Variants in RBFOX3 observed in about 807,000 individuals in gnomAD.
RBFOX3 encodes the protein RNA binding fox-1 homolog 3, also known as RNA binding protein fox-1 homolog 3.
RBFOX3 carries 17 observed loss-of-function variants against 48.7 expected under a neutral mutation model. The observed-to-expected ratio is 0.35, with a 90% CI of 0.24 to 0.52. The LOEUF is 0.52. Among genes scored for constraint, RBFOX3 ranks in the 20% least tolerant of loss-of-function variants. RBFOX3 has a pLI of 0.94. For synonymous variants in RBFOX3, 212 were observed against 209.5 expected (o/e 1.01, Z -0.10); for missense variants, 382 against 497.5 (o/e 0.77, Z 2.21).
chr17:79,162,672 C>G (rs2047205969), intron 4 of RBFOX3, among the ~76,000 whole-genome samples: 2 of 152,092 alleles, frequency 1.3e-5, no homozygotes, highest in Non-Finnish European at 2.9e-5. Flanking sequence ...GAAAATTGAC[C>G]CCTCGATCTC....
intron 4 of RBFOX3, among the ~76,000 whole-genome samples, chr17:79,146,834 C>T (rs1220063163): frequency 6.6e-6 from 1 of 152,212 alleles, no homozygotes; most frequent in African/African-American, 2.4e-5. Context: ...CAGGCTCAAC[C>T]TCACCATGAG....
At chr17:79,524,645 C>G (rs1181807877) in intron 1 of RBFOX3, among the ~76,000 whole-genome samples, 6 of 152,202 alleles carry the variant, frequency 3.9e-5, no homozygotes, top group Non-Finnish European at 7.3e-5. Flanking sequence ...GAGTGTGGAG[C>G]AGGCACGGGC....
rs182674821 is a variant in RBFOX3, at chr17:79,180,838, C to T, written c.-34+54928G>A. Reference sequence around the variant, plus strand: ...GGGCGAGGGAAGGAAAGTGAATGCTCAAAGCCCGGGGCAACAGCAGGCTCT... The same window carrying T: ...GGGCGAGGGAAGGAAAGTGAATGCTTAAAGCCCGGGGCAACAGCAGGCTCT... On this transcript the variant is annotated intron_variant, in intron 4 of 14. Coordinates refer to ENST00000693108, the MANE Select transcript of RBFOX3 (RefSeq NM_001350451.2). 1.2e-3 allele frequency among the ~76,000 whole-genome samples: 176 copies of T among 151,830 alleles called. 2 individuals are homozygous for T. The highest frequency in any genetic ancestry group is 4.1e-3 in the African/African-American group (168 of 41,396).
intron 3 of RBFOX3, among the ~76,000 whole-genome samples, chr17:79,244,273 GCC>G (rs1600192376): frequency 6.6e-6 from 1 of 152,148 alleles, no homozygotes; most frequent in East Asian, 1.9e-4. Flanking sequence ...GAGTGATGTA[GCC>G]ACAGGCTAGG....
intron 3 of RBFOX3, among the ~76,000 whole-genome samples, chr17:79,276,580 G>A (rs1258526309): frequency 6.6e-6 from 1 of 152,128 alleles, no homozygotes; most frequent in Non-Finnish European, 1.5e-5. Flanking sequence ...AGCTGCTCGG[G>A]AGGCTGACGC....
At chr17:79,358,923 C>T (rs2085753208) in intron 2 of RBFOX3, among the ~76,000 whole-genome samples, 1 of 152,228 alleles carries the variant, frequency 6.6e-6, no homozygotes, top group Non-Finnish European at 1.5e-5. Context: ...AAGTATCCTT[C>T]CCTCTTTTCC....
intron 3 of RBFOX3, among the ~76,000 whole-genome samples, chr17:79,265,101 G>T (rs2066474701): frequency 6.6e-6 from 1 of 152,152 alleles, no homozygotes. Context: ...GTGACCACAG[G>T]GTGAGCTGGG....
intron 2 of RBFOX3, among the ~76,000 whole-genome samples, chr17:79,318,703 A>T (rs1265349064): frequency 2.0e-5 from 3 of 151,674 alleles, no homozygotes; most frequent in African/African-American, 7.3e-5. Context: ...AATTACAAAA[A>T]AATTAGCTGA....
chr17:79,273,348 C>T (rs79998482), intron 3 of RBFOX3, among the ~76,000 whole-genome samples: 3,851 of 152,276 alleles, frequency 0.025, 161 homozygotes, highest in African/African-American at 0.082. Context: ...GAGCAATCTG[C>T]CTGAAACCTG....
chr17:79,357,022 C>T (rs576773763), intron 2 of RBFOX3, among the ~76,000 whole-genome samples: 4 of 152,186 alleles, frequency 2.6e-5, no homozygotes, highest in Non-Finnish European at 4.4e-5. Context: ...AACAGAGACT[C>T]GGCAGTGACA....
At chr17:79,396,319 C>T (rs890778677) in intron 2 of RBFOX3, among the ~76,000 whole-genome samples, 15 of 152,150 alleles carry the variant, frequency 9.9e-5, no homozygotes, top group Non-Finnish European at 1.3e-4. Flanking sequence ...TGTGTCTGTG[C>T]GTCTGAGATG....
intron 1 of RBFOX3, among the ~76,000 whole-genome samples, chr17:79,562,167 G>A (rs1027868225): frequency 1.3e-5 from 2 of 152,202 alleles, no homozygotes; most frequent in Non-Finnish European, 2.9e-5. Flanking sequence ...AGAATGGTTC[G>A]TGGACTCCTT....
chr17:79,611,030 C>T lies in RBFOX3; in HGVS notation c.-524G>A, dbSNP rs1380789468. The stretch of plus-strand genomic sequence containing the variant: ...CGAGCTGCTGGGGCCCGGCTGGGGC[C>T]GCTGTCCGAGGAGGTTCTGCTGGCT... On this transcript the variant is annotated 5_prime_UTR_variant, in exon 1 of 15. Coordinates refer to ENST00000693108, the MANE Select transcript of RBFOX3 (RefSeq NM_001350451.2). 1.3e-5 allele frequency among the ~76,000 whole-genome samples: 2 copies of T among 151,366 alleles called. No individual in the cohort carries two copies. The highest frequency in any genetic ancestry group is 3.4e-3 in the Middle Eastern group (1 of 292).
the RBFOX3 span, among the ~76,000 whole-genome samples, chr17:79,655,196 C>T: frequency 6.6e-5 from 10 of 152,238 alleles, no homozygotes; most frequent in Middle Eastern, 3.4e-3. Flanking sequence ...GCCCTGCACC[C>T]GGACCAGCAC....
the RBFOX3 span, among the ~76,000 whole-genome samples, chr17:79,651,803 C>T: frequency 3.4e-5 from 5 of 145,626 alleles, no homozygotes; most frequent in South Asian, 1.2e-3. Flanking sequence ...CTCTCCTTCT[C>T]TGTCTTTCTC....
At chr17:79,228,186 T>C (rs74001700) in intron 4 of RBFOX3, among the ~76,000 whole-genome samples, 23,828 of 152,144 alleles carry the variant, frequency 0.16, 4,575 homozygotes, top group African/African-American at 0.46. Flanking sequence ...CCTCACTATC[T>C]CGCCTCTCCT....
chr17:79,510,518 G>A (rs1257004788), intron 1 of RBFOX3, among the ~76,000 whole-genome samples: 2 of 152,174 alleles, frequency 1.3e-5, no homozygotes, highest in East Asian at 1.9e-4. Flanking sequence ...CCGTGCCTGC[G>A]CAGCCCCTCC....
chr17:79,333,856 T>C (rs2080781329), intron 2 of RBFOX3, among the ~76,000 whole-genome samples: 1 of 151,850 alleles, frequency 6.6e-6, no homozygotes, highest in Non-Finnish European at 1.5e-5. Flanking sequence ...TTCCACATCC[T>C]CAAGAGGCAT....
In RBFOX3 at chr17:79,467,470, T is replaced by G. The variant is rs900439919; in HGVS notation, c.-175+14984A>C. Reference sequence around the variant, plus strand: ...CCTCTCTTGGTACCAGGTAAACTCATGTGGATGTTGAGGACATGAGGCCAC... The same window carrying G: ...CCTCTCTTGGTACCAGGTAAACTCAGGTGGATGTTGAGGACATGAGGCCAC... On this transcript the variant is annotated intron_variant, in intron 2 of 14. Coordinates refer to ENST00000693108, the MANE Select transcript of RBFOX3 (RefSeq NM_001350451.2). Among the ~76,000 whole-genome samples the G allele has an allele frequency of 7.9e-5, 12 of 152,274 alleles. No individual in the cohort carries two copies. The South Asian group carries it at 1.0e-3, about 13-fold the overall frequency.
Sources: allele counts gnomAD v4.1 joint callset (sites outside exome capture counted in the v4.1 genomes callset), GRCh38; gene constraint gnomAD v4.1.1; transcripts MANE v1.5; gene names NCBI Gene and HGNC (gene_info 2026-07-23, HGNC 2026-07-21).